The following DTNB variants were observed in gnomAD, a reference collection of about 807,000 sequenced individuals.
DTNB encodes DTN-B.
In DTNB, 63 loss-of-function variants were observed where a neutral mutation model predicts 90.7. That is an observed-to-expected ratio of 0.69 (90% CI 0.57 to 0.86). DTNB has a LOEUF of 0.86. DTNB is among the 40% of genes least tolerant of loss of function. The pLI is 0.00. For missense variants in DTNB, 744 were observed against 807.1 expected, an observed-to-expected ratio of 0.92 and a Z score of 0.95; for synonymous variants, 277 against 286.7, an observed-to-expected ratio of 0.97 and a Z score of 0.34.
intron 16 of DTNB, among the ~76,000 whole-genome samples, chr2:25,393,564 C>T (rs1221390810): frequency 6.6e-6 from 1 of 152,154 alleles, no homozygotes; most frequent in Non-Finnish European, 1.5e-5. Context: ...GTACACAAAT[C>T]AGTAGCTCTG....
chr2:25,430,809 T>C (rs2053619879), intron 14 of DTNB, among the ~76,000 whole-genome samples: 1 of 152,216 alleles, frequency 6.6e-6, no homozygotes. Flanking sequence ...TGTGGGTTTA[T>C]AAGTATTCAT....
In DTNB at chr2:25,387,410, G is replaced by A; in HGVS notation, c.1736-32C>T. The stretch of plus-strand genomic sequence containing the variant: ...AGAGGCAGAGCAGATGGGGATGCCA[G>A]GGTGGGTGAGCGTGGAGAAGAGACG... On this transcript the variant is annotated intron_variant, in intron 17 of 20. Transcript: ENST00000406818. The surrounding 1 kb of genome is among the most constrained non-coding windows in gnomAD (Gnocchi z 4.5). The A allele has an allele frequency of 6.2e-7, 1 of 1,600,604 alleles. No individual in the cohort carries two copies. The highest frequency in any genetic ancestry group is 1.1e-5 in the South Asian group (1 of 90,490).
chr2:25,650,634 G>A (rs908569642), intron 2 of DTNB, among the ~76,000 whole-genome samples: 9 of 152,202 alleles, frequency 5.9e-5, no homozygotes, highest in African/African-American at 2.2e-4. Flanking sequence ...TTAAAGTGAT[G>A]AGAAGCAAGT....
chr2:25,570,290 C>G (rs1008292260), intron 8 of DTNB, among the ~76,000 whole-genome samples: 3 of 151,228 alleles, frequency 2.0e-5, no homozygotes, highest in African/African-American at 7.3e-5. Flanking sequence ...CGACTGTAGT[C>G]CCAGCTACTC....
chr2:25,547,859 A>C (rs1176080293), intron 8 of DTNB, among the ~76,000 whole-genome samples: 1 of 152,198 alleles, frequency 6.6e-6, no homozygotes, highest in Non-Finnish European at 1.5e-5. Context: ...TTGACTATTA[A>C]AGATTTTCTA....
chr2:25,617,695 C>A (rs914776789), intron 4 of DTNB, among the ~76,000 whole-genome samples: 37 of 152,172 alleles, frequency 2.4e-4, no homozygotes, highest in African/African-American at 8.7e-4. Flanking sequence ...GAGTTTGAGA[C>A]CAGCCTCAAA....
chr2:25,620,605 A>AT (rs2072282249), intron 4 of DTNB, among the ~76,000 whole-genome samples: 1 of 152,224 alleles, frequency 6.6e-6, no homozygotes, highest in African/African-American at 2.4e-5. Flanking sequence ...AATTCAGAAG[A>AT]TTCTTATTTG....
chr2:25,424,770 C>T lies in DTNB; in HGVS notation c.1554+2765G>A, dbSNP rs996058234. Among the ~76,000 whole-genome samples, 7 of 151,750 alleles carry T rather than the reference C, an allele frequency of 4.6e-5. No individual in the cohort carries two copies. The highest frequency in any genetic ancestry group is 6.6e-5 in the Admixed American group (1 of 15,220). On this transcript the variant is annotated intron_variant, in intron 15 of 20. Transcript: ENST00000406818. This position sits in a 1 kb window ranked among gnomAD's most constrained non-coding sequence, Gnocchi z 4.1. ...GCAGCCTCCACCTCCTGGGCTTAAG[C>T]GATCCTCCCACCTCAGCCTCCTGAG...
intron 12 of DTNB, among the ~76,000 whole-genome samples, chr2:25,440,169 G>C (rs2057044465): frequency 6.6e-6 from 1 of 152,134 alleles, no homozygotes; most frequent in African/African-American, 2.4e-5. Flanking sequence ...ATACTGGAAG[G>C]GTCTCGGCTT....
At chr2:25,574,369 T>C (rs1191655298) in intron 8 of DTNB, among the ~76,000 whole-genome samples, 1 of 152,220 alleles carries the variant, frequency 6.6e-6, no homozygotes, top group African/African-American at 2.4e-5. Flanking sequence ...CATACGGCAT[T>C]TTCTTTGTAA....
At chr2:25,592,205 T>C (rs2063713649) in intron 6 of DTNB, among the ~76,000 whole-genome samples, 1 of 152,100 alleles carries the variant, frequency 6.6e-6, no homozygotes, top group Non-Finnish European at 1.5e-5. Context: ...TCTCTTAAAT[T>C]AGCTTTTCCC....
intron 15 of DTNB, among the ~76,000 whole-genome samples, chr2:25,425,353 C>T (rs1412408881): frequency 6.6e-6 from 1 of 152,168 alleles, no homozygotes; most frequent in Non-Finnish European, 1.5e-5. Flanking sequence ...TTGTCTTGAG[C>T]AAGTCAAAAT....
intron 9 of DTNB, among the ~76,000 whole-genome samples, chr2:25,526,388 T>TAA (rs2077146174): frequency 1.6e-5 from 1 of 62,010 alleles, no homozygotes; most frequent in African/African-American, 7.5e-5. Flanking sequence ...TATATATATA[T>TAA]ATATATATTT....
rs576381248 is a variant in DTNB at position 25,492,810 on chromosome 2, A to T, written c.1002-9937T>A. On this transcript the variant is annotated intron_variant, in intron 9 of 20. Transcript: ENST00000406818. Reference sequence around the variant, plus strand: ...GGCTGTAGTGAGCCGACATCACATCACTGCACTCCAGAGTGGGTGACAAAG... The same window carrying T: ...GGCTGTAGTGAGCCGACATCACATCTCTGCACTCCAGAGTGGGTGACAAAG... Among the ~76,000 whole-genome samples the T allele has an allele frequency of 2.0e-5, 3 of 152,136 alleles. No homozygotes were observed. The South Asian group carries it at 6.2e-4, about 32-fold the overall frequency.
Position 25,638,471 on chromosome 2 carries a change from A to G in DTNB, c.148+543T>C, listed in dbSNP as rs77021522. Among the ~76,000 whole-genome samples the G allele has an allele frequency of 8.5e-3, 1,302 of 152,358 alleles. 5 individuals carry two copies. Among genetic ancestry groups the G allele is most frequent in the Admixed American group, 0.013 (205 of 15,308 alleles). On this transcript the variant is annotated intron_variant, in intron 3 of 20. Coordinates refer to ENST00000406818, the MANE Select transcript of DTNB (RefSeq NM_021907.5). ...TACACACAAACACGAGAAAAGTACA[A>G]TAATTCTGTCACGAGCTAGTTCATC...
At chr2:25,572,660 GTT>G (rs76776701) in intron 8 of DTNB, among the ~76,000 whole-genome samples, 1 of 139,034 alleles carries the variant, frequency 7.2e-6, no homozygotes, top group Non-Finnish European at 1.6e-5. Context: ...GAGGTTTTTT[GTT>G]TTTTTTTTTT....
At chr2:25,583,072 C>A (rs528829249) in intron 6 of DTNB, among the ~76,000 whole-genome samples, 42 of 151,924 alleles carry the variant, frequency 2.8e-4, no homozygotes, top group African/African-American at 1.0e-3. Flanking sequence ...CATAGTGAAA[C>A]CCCATCTCTA....
In DTNB at chr2:25,546,218, GT is replaced by G. The variant is rs545766822; in HGVS notation, c.877-14622del. Reference sequence around the variant, plus strand: ...CCGTCCTTTGCATAAGTGGACCAGGGTGGGAACCTGGACAGGACCTTTCCCT... The same window carrying G: ...CCGTCCTTTGCATAAGTGGACCAGGGGGGAACCTGGACAGGACCTTTCCCT... On this transcript the variant is annotated intron_variant, in intron 8 of 20. Coordinates refer to ENST00000406818, the MANE Select transcript of DTNB (RefSeq NM_021907.5). Among the ~76,000 whole-genome samples the G allele has an allele frequency of 1.8e-4, 28 of 152,324 alleles. No individual in the cohort carries two copies. In the South Asian group the frequency reaches 5.6e-3, roughly 30 times the overall value.
At chr2:25,509,094 G>A (rs536575300) in intron 9 of DTNB, among the ~76,000 whole-genome samples, 7 of 152,096 alleles carry the variant, frequency 4.6e-5, no homozygotes, top group East Asian at 1.9e-4. Context: ...ACACAATCAC[G>A]TCATCTATGA....
Sources: allele counts gnomAD v4.1 joint callset (sites outside exome capture counted in the v4.1 genomes callset), GRCh38; gene constraint gnomAD v4.1.1; non-coding constraint Gnocchi (gnomAD v3.1); transcripts MANE v1.5; gene names NCBI Gene and HGNC (gene_info 2026-07-23, HGNC 2026-07-21).